The following PAFAH1B1 variants were observed in gnomAD, a reference collection of about 807,000 sequenced individuals.
The protein encoded by PAFAH1B1 is platelet-activating factor acetylhydrolase IB subunit beta.
In PAFAH1B1, 2 loss-of-function variants were observed where a neutral mutation model predicts 57.5. The ratio of observed to expected loss-of-function variants is 0.03; its 90% CI spans 0.01 to 0.11. The LOEUF is 0.11. PAFAH1B1 is among the 10% of genes least tolerant of loss of function. The probability of loss-of-function intolerance (pLI) is 1.00; values close to 1 mark genes in which losing one functional copy is unlikely to be tolerated. For missense variants in PAFAH1B1, 257 were observed against 512.0 expected (o/e 0.50, Z 4.81); for synonymous variants, 152 against 169.6 (o/e 0.90, Z 0.81).
chr17:2,629,752 A>G (rs2068533156), intron 1 of PAFAH1B1, among the ~76,000 whole-genome samples: 1 of 152,142 alleles, frequency 6.6e-6, no homozygotes, highest in Non-Finnish European at 1.5e-5. Context: ...TGTTTTATAA[A>G]TTTGGGCACT....
rs1344248487 is a variant in PAFAH1B1, at chr17:2,679,535, TGGATGGA to T, written c.1003-628_1003-622del. 4.0e-3 allele frequency among the ~76,000 whole-genome samples: 580 copies of T among 144,824 alleles called. 3 individuals are homozygous for T. Among genetic ancestry groups the T allele is most frequent in the African/African-American group, 0.014 (534 of 37,384 alleles). ...ATGGATGGATGGATGATTGGATGGATGGATGGATGGATGGATGATTAGATGGATGATT... is the reference window on the plus strand; with the variant it reads ...ATGGATGGATGGATGATTGGATGGATTGGATGGATGATTAGATGGATGATT... On this transcript the variant is annotated intron_variant, in intron 9 of 10. Transcript: ENST00000397195.
At chr17:2,629,948 C>T (rs1214420382) in intron 1 of PAFAH1B1, among the ~76,000 whole-genome samples, 1 of 152,110 alleles carries the variant, frequency 6.6e-6, no homozygotes, top group Non-Finnish European at 1.5e-5. Flanking sequence ...CCCTTTTCCA[C>T]CCCTTTACTT....
intron 1 of PAFAH1B1, chr17:2,613,793 C>T: frequency 3.4e-6 from 1 of 297,814 alleles, no homozygotes; most frequent in Middle Eastern, 9.9e-4. Flanking sequence ...TCTGCAGGAG[C>T]TCCTGATGCC....
chr17:2,624,410 C>G (rs905698794), intron 1 of PAFAH1B1, among the ~76,000 whole-genome samples: 1 of 152,158 alleles, frequency 6.6e-6, no homozygotes, highest in Non-Finnish European at 1.5e-5. Context: ...GCTGCTGATA[C>G]AGACATACCC....
intron 1 of PAFAH1B1, among the ~76,000 whole-genome samples, chr17:2,604,236 C>T (rs1290336614): frequency 6.6e-6 from 1 of 151,904 alleles, no homozygotes; most frequent in Non-Finnish European, 1.5e-5. Flanking sequence ...TGGAGTTTCA[C>T]CACATTGGCC....
intron 1 of PAFAH1B1, among the ~76,000 whole-genome samples, chr17:2,615,705 C>G (rs1025307209): frequency 2.0e-5 from 3 of 151,910 alleles, no homozygotes; most frequent in Admixed American, 1.3e-4. Context: ...TCCCAAAATG[C>G]TGGGATTACA....
intron 1 of PAFAH1B1, among the ~76,000 whole-genome samples, chr17:2,608,823 A>C (rs2068234672): frequency 6.6e-6 from 1 of 152,244 alleles, no homozygotes; most frequent in African/African-American, 2.4e-5. Context: ...AATTAAATAA[A>C]ATATTTGTTC....
intron 8 of PAFAH1B1, among the ~76,000 whole-genome samples, chr17:2,674,588 G>A (rs1412879595): frequency 6.6e-6 from 1 of 152,098 alleles, no homozygotes; most frequent in Non-Finnish European, 1.5e-5. Flanking sequence ...AAAACCTGAG[G>A]GAGAGGTTAA....
chr17:2,681,777 C>T lies in PAFAH1B1; in HGVS notation c.1208C>T (p.Thr403Ile). The change falls in exon 11 of 11, where the codon ACA (threonine) becomes ATA (isoleucine). Residue 403 changes from threonine (T) to isoleucine (I), a missense_variant. Physicochemically the swap from Thr to Ile is moderately conservative, Grantham distance 89 (BLOSUM62 -1). Transcript: ENST00000397195. ...PYVVTGSVDQ[T>I]VKVWECR Reference sequence around the variant, plus strand: ...GTCGTCACTGGCAGCGTAGATCAAACAGTAAAAGTGTGGGAGTGCCGTTGA... The same window carrying T: ...GTCGTCACTGGCAGCGTAGATCAAATAGTAAAAGTGTGGGAGTGCCGTTGA... 6.2e-7 allele frequency: 1 copy of T among 1,612,402 alleles called. No homozygotes were observed. The highest frequency in any genetic ancestry group is 8.5e-7 in the Non-Finnish European group (1 of 1,179,820).
chr17:2,606,341 G>GA (rs1171090226), intron 1 of PAFAH1B1, among the ~76,000 whole-genome samples: 1 of 151,668 alleles, frequency 6.6e-6, no homozygotes, highest in Non-Finnish European at 1.5e-5. Flanking sequence ...ATGCCCAATG[G>GA]AAAAAAAGTG....
At chr17:2,641,733 A>G (rs2068697590) in intron 2 of PAFAH1B1, 2 of 152,088 alleles carry the variant, frequency 1.3e-5, no homozygotes, top group Non-Finnish European at 2.9e-5. Context: ...GTGGCGCATG[A>G]TATGTATTAG....
chr17:2,673,810 A>G lies in PAFAH1B1; in HGVS notation c.672-250A>G, dbSNP rs1484235791. ...TGGCTGGAAATACTTTTAAGTGTGC[A>G]TTTAGTTTTGAAAGATTTTATTTCT... On this transcript the variant is annotated intron_variant, in intron 7 of 10. Transcript: ENST00000397195. 14 of 469,484 alleles carry G rather than the reference A, an allele frequency of 3.0e-5. No homozygotes were observed. In the East Asian group the frequency reaches 5.0e-4, roughly 17 times the overall value. 29.1% of individuals were successfully genotyped at this position (469,484 alleles called of 1,614,324 possible).
rs565081078 is a variant in PAFAH1B1 at position 2,682,001 on chromosome 17, G to A, written c.*199G>A. ...AATTGTATACTGTAAATTTACATAC[G>A]TTGTCTAGAAGTACCATAGGGTTTA... On this transcript the variant is annotated 3_prime_UTR_variant, in exon 11 of 11. Transcript: ENST00000397195. The A allele has an allele frequency of 2.7e-5, 15 of 555,498 alleles. No individual in the cohort carries two copies. In the South Asian group the frequency reaches 3.7e-4, roughly 14 times the overall value. 34.4% of individuals were successfully genotyped at this position (555,498 alleles called of 1,614,324 possible). A position where few individuals can be genotyped will look rare whatever the true frequency, so the allele number is the denominator to read the frequency against.
At chr17:2,621,291 A>G (rs1024997417) in intron 1 of PAFAH1B1, among the ~76,000 whole-genome samples, 1 of 152,098 alleles carries the variant, frequency 6.6e-6, no homozygotes, top group Non-Finnish European at 1.5e-5. Context: ...TGTTCTCATC[A>G]TTTAGCTCCC....
intron 1 of PAFAH1B1, among the ~76,000 whole-genome samples, chr17:2,629,682 T>C (rs947246215): frequency 2.6e-5 from 4 of 152,200 alleles, no homozygotes; most frequent in Admixed American, 2.6e-4. Context: ...CAGTGGAGTA[T>C]TGAAGTCCCC....
At chr17:2,637,291 A>G (rs1259455250) in intron 1 of PAFAH1B1, among the ~76,000 whole-genome samples, 1 of 152,166 alleles carries the variant, frequency 6.6e-6, no homozygotes, top group Non-Finnish European at 1.5e-5. Context: ...ACCATCTCAA[A>G]TACATTTCTT....
intron 2 of PAFAH1B1, among the ~76,000 whole-genome samples, chr17:2,638,849 A>G (rs1443197355): frequency 6.6e-6 from 1 of 151,794 alleles, no homozygotes; most frequent in Non-Finnish European, 1.5e-5. Context: ...ACTGTATGTA[A>G]GTTTAACGCA....
intron 1 of PAFAH1B1, among the ~76,000 whole-genome samples, chr17:2,616,213 T>C (rs911913585): frequency 2.0e-5 from 3 of 152,136 alleles, no homozygotes; most frequent in Non-Finnish European, 4.4e-5. Flanking sequence ...GTGAAGAATA[T>C]TCATTCTGGT....
chr17:2,658,042 A>C lies in PAFAH1B1; in HGVS notation c.33-7330A>C, dbSNP rs1040441195. Among the ~76,000 whole-genome samples the C allele has an allele frequency of 5.3e-5, 8 of 152,354 alleles. No homozygotes were observed. The South Asian group carries it at 6.2e-4, about 12-fold the overall frequency. ...AATAATGCAAAATATTTTTATAGGA[A>C]TATATCCTGAGTGGATCTCACAGTT... On this transcript the variant is annotated intron_variant, in intron 2 of 10. Coordinates refer to ENST00000397195, the MANE Select transcript of PAFAH1B1 (RefSeq NM_000430.4).
Sources: allele counts gnomAD v4.1 joint callset (sites outside exome capture counted in the v4.1 genomes callset), GRCh38; gene constraint gnomAD v4.1.1; transcripts MANE v1.5; gene names NCBI Gene and HGNC (gene_info 2026-07-23, HGNC 2026-07-21).